MEIS2: variants seen among roughly 807,000 people sequenced by gnomAD.
MEIS2 encodes Meis homeobox 2, also known as homeobox protein Meis2.
MEIS2 carries 9 observed loss-of-function variants against 58.6 expected under a neutral mutation model. The ratio of observed to expected loss-of-function variants is 0.15; its 90% CI spans 0.09 to 0.27. The LOEUF (loss-of-function observed/expected upper bound fraction) is 0.27, where lower values mean the gene tolerates loss of function less well. MEIS2 is among the 10% of genes least tolerant of loss of function. MEIS2 has a pLI of 1.00. For synonymous variants in MEIS2, 221 were observed against 228.4 expected, an observed-to-expected ratio of 0.97 and a Z score of 0.29; for missense variants, 427 against 635.0, an observed-to-expected ratio of 0.67 and a Z score of 3.52.
Position 36,911,542 on chromosome 15 carries a change from C to T in MEIS2, c.978-14856G>A, listed in dbSNP as rs190656791. Among the ~76,000 whole-genome samples, 182 of 152,272 alleles carry T rather than the reference C, an allele frequency of 1.2e-3. 2 individuals carry two copies. Among genetic ancestry groups the T allele is most frequent in the African/African-American group, 3.7e-3 (155 of 41,552 alleles). ...AAGTGCTGCTTTGGATAATGTATAG[C>T]AATGTACATCAAACACTCCCAATCA... On this transcript the variant is annotated intron_variant, in intron 9 of 11. Transcript: ENST00000561208.
chr15:37,091,428 A>T (rs1051512313), intron 6 of MEIS2, among the ~76,000 whole-genome samples: 5 of 152,188 alleles, frequency 3.3e-5, no homozygotes, highest in African/African-American at 1.2e-4. Flanking sequence ...GTTATAGTTC[A>T]GATCTCTAGG....
chr15:36,978,897 A>G (rs1434800020), intron 8 of MEIS2, among the ~76,000 whole-genome samples: 1 of 152,238 alleles, frequency 6.6e-6, no homozygotes, highest in Non-Finnish European at 1.5e-5. Context: ...TGTTATGGCT[A>G]AAATAAACAT....
chr15:36,894,844 G>C, intron 11 of MEIS2: 1 of 1,506,252 alleles, frequency 6.6e-7, no homozygotes, highest in Non-Finnish European at 9.2e-7. Flanking sequence ...AGAAGAGGCC[G>C]GAAAATCAGC....
chr15:37,007,805 T>A (rs1329363658), intron 8 of MEIS2, among the ~76,000 whole-genome samples: 1 of 152,214 alleles, frequency 6.6e-6, no homozygotes, highest in Non-Finnish European at 1.5e-5. Flanking sequence ...GCTATGTTAA[T>A]AAAGAGGCAG....
chr15:36,937,702 G>A (rs1189853415), intron 9 of MEIS2, among the ~76,000 whole-genome samples: 1 of 152,138 alleles, frequency 6.6e-6, no homozygotes, highest in African/African-American at 2.4e-5. Flanking sequence ...CATACTATTA[G>A]GAAGATTTTT....
intron 9 of MEIS2, among the ~76,000 whole-genome samples, chr15:36,938,818 A>C (rs1471908447): frequency 6.6e-6 from 1 of 152,142 alleles, no homozygotes; most frequent in South Asian, 2.1e-4. Context: ...AGAAAGGCTA[A>C]ACTGACCAAG....
intron 8 of MEIS2, among the ~76,000 whole-genome samples, chr15:37,036,094 C>T (rs1207683684): frequency 6.6e-6 from 1 of 152,064 alleles, no homozygotes; most frequent in Non-Finnish European, 1.5e-5. Context: ...GTCTTAGAGT[C>T]AACAGTATGT....
chr15:37,043,484 A>G (rs1217916357), intron 7 of MEIS2, among the ~76,000 whole-genome samples: 1 of 152,184 alleles, frequency 6.6e-6, no homozygotes, highest in African/African-American at 2.4e-5. Flanking sequence ...ATGCTATTTT[A>G]AACCTAAATT....
intron 9 of MEIS2, among the ~76,000 whole-genome samples, chr15:36,906,236 A>G (rs2056729710): frequency 6.6e-6 from 1 of 152,224 alleles, no homozygotes; most frequent in African/African-American, 2.4e-5. Flanking sequence ...TGGTAGAATG[A>G]TAAAATATGG....
chr15:36,951,632 A>G (rs965113414), intron 8 of MEIS2, among the ~76,000 whole-genome samples: 2 of 152,186 alleles, frequency 1.3e-5, no homozygotes, highest in Non-Finnish European at 2.9e-5. Flanking sequence ...TCCCCTGTAT[A>G]GCAAAAGGGG....
chr15:37,093,823 G>T (rs1301292404), intron 5 of MEIS2, 93 bp from the exon 6 acceptor site: 1 of 1,535,842 alleles, frequency 6.5e-7, no homozygotes, highest in African/African-American at 1.4e-5. Flanking sequence ...AGGTTGCAAG[G>T]TTACATTTGC....
At chr15:37,060,855 T>C (rs994251248) in intron 7 of MEIS2, among the ~76,000 whole-genome samples, 1 of 152,198 alleles carries the variant, frequency 6.6e-6, no homozygotes, top group Non-Finnish European at 1.5e-5. Flanking sequence ...GCTGGAATCA[T>C]GTTTTATCTG....
chr15:37,083,037 T>C (rs1006953439), intron 7 of MEIS2, among the ~76,000 whole-genome samples: 1 of 152,174 alleles, frequency 6.6e-6, no homozygotes, highest in African/African-American at 2.4e-5. Context: ...CAATAATGCA[T>C]CTTCCTTTAA....
At chr15:37,040,185 A>C (rs2062361996) in intron 7 of MEIS2, among the ~76,000 whole-genome samples, 1 of 152,168 alleles carries the variant, frequency 6.6e-6, no homozygotes, top group African/African-American at 2.4e-5. Context: ...GCACAAATGC[A>C]CGTGCCAAAT....
intron 6 of MEIS2, among the ~76,000 whole-genome samples, chr15:37,091,653 A>G (rs1893536260): frequency 6.6e-6 from 1 of 152,210 alleles, no homozygotes; most frequent in Non-Finnish European, 1.5e-5. Flanking sequence ...AAATATTACA[A>G]TAGTCTCATA....
intron 9 of MEIS2, among the ~76,000 whole-genome samples, chr15:36,947,352 T>A (rs2058603594): frequency 6.6e-6 from 1 of 152,006 alleles, no homozygotes; most frequent in Non-Finnish European, 1.5e-5. Context: ...CATCTTTAAT[T>A]CTCTTAATTA....
At chr15:36,944,305 G>A (rs1473932912) in intron 9 of MEIS2, among the ~76,000 whole-genome samples, 1 of 151,892 alleles carries the variant, frequency 6.6e-6, no homozygotes, top group African/African-American at 2.4e-5. Flanking sequence ...GCCTTCTTTT[G>A]GTTTTCTTCT....
chr15:36,992,571 T>C (rs1330172219), intron 8 of MEIS2, among the ~76,000 whole-genome samples: 3 of 152,152 alleles, frequency 2.0e-5, no homozygotes, highest in Admixed American at 1.3e-4. Flanking sequence ...TGCTAGTTCA[T>C]AGATATATTT....
At chr15:37,020,772 C>T (rs371495628) in intron 8 of MEIS2, among the ~76,000 whole-genome samples, 78 of 151,418 alleles carry the variant, frequency 5.2e-4, no homozygotes, top group African/African-American at 1.8e-3. Context: ...AACCCATAAA[C>T]CTTTGAACTT....
Sources: gnomAD v4.1 joint callset for allele counts (sites outside exome capture counted in the v4.1 genomes callset) on GRCh38, gnomAD v4.1.1 for gene constraint, MANE v1.5 for transcripts, NCBI Gene and HGNC (gene_info 2026-07-23, HGNC 2026-07-21) for gene names.